Variants in SLC25A36 observed in about 807,000 individuals in gnomAD.
SLC25A36 encodes solute carrier family 25 member 36, also known as epididymis secretory sperm binding protein.
In SLC25A36, 24 loss-of-function variants were observed where a neutral mutation model predicts 35.3. The ratio of observed to expected loss-of-function variants is 0.68; its 90% confidence interval spans 0.49 to 0.96. The LOEUF (loss-of-function observed/expected upper bound fraction) is 0.96, where lower values mean the gene tolerates loss of function less well. Ranked by LOEUF, SLC25A36 falls within the 40% of genes least tolerant of loss-of-function variation. The pLI is 0.00. For synonymous variants in SLC25A36, 141 were observed against 132.2 expected (o/e 1.07, Z -0.46); for missense variants, 294 against 381.1 (o/e 0.77, Z 1.90).
At position 140,942,070 on chromosome 3, in the gene SLC25A36, A is replaced by T; in HGVS notation, c.16A>T (p.Thr6Ser). The T allele has an allele frequency of 6.7e-7, 1 of 1,489,662 alleles. No homozygotes were observed. Among genetic ancestry groups the T allele is most frequent in the Non-Finnish European group, 9.0e-7 (1 of 1,107,250 alleles). 92.3% of individuals were successfully genotyped at this position (1,489,662 alleles called of 1,614,324 possible). A position where few individuals can be genotyped will look rare whatever the true frequency, so the allele number is the denominator to read the frequency against. Reference protein sequence around the residue: MSQRDTLVHLFAGGCG... With the variant: MSQRDSLVHLFAGGCG... ...GGGAGAGAGAATGAGCCAGAGGGAC[A>T]CGCTGGTGCATCTGTTTGCCGGAGG... The change falls in exon 1 of 7, where the codon ACG (threonine) becomes TCG (serine). Residue 6 changes from threonine (T) to serine (S), a missense_variant. By Grantham distance (58) the Thr-to-Ser change is moderately conservative. This residue lies in a region of SLC25A36 where 185 missense variants were observed against 201.5 expected (regional missense o/e 0.92). Coordinates refer to ENST00000324194, the MANE Select transcript of SLC25A36 (RefSeq NM_001104647.3).
rs964210330 is a variant in SLC25A36 at position 140,976,860 on chromosome 3, A to T, written c.*407A>T. Reference sequence around the variant, plus strand: ...TAACTTCTGGCCTTTGTTTAATTCCAGTAAAATAACAGCAATGACAATGAG... The same window carrying T: ...TAACTTCTGGCCTTTGTTTAATTCCTGTAAAATAACAGCAATGACAATGAG... On this transcript the variant is annotated 3_prime_UTR_variant, in exon 7 of 7. Coordinates refer to ENST00000324194, the MANE Select transcript of SLC25A36 (RefSeq NM_001104647.3). The T allele has an allele frequency of 6.5e-6, 1 of 153,552 alleles. No homozygotes were observed. Among genetic ancestry groups the T allele is most frequent in the Admixed American group, 6.5e-5 (1 of 15,332 alleles). The allele number at this position is 153,552 out of a possible 1,614,324, so 9.5% of individuals were successfully genotyped here.
chr3:140,946,864 G>A (rs1934179528), intron 1 of SLC25A36, among the ~76,000 whole-genome samples: 1 of 152,160 alleles, frequency 6.6e-6, no homozygotes, highest in South Asian at 2.1e-4. Flanking sequence ...CAGGAAAGAG[G>A]ATTGGACTAG....
rs76812029 is a variant in SLC25A36, at chr3:140,959,542, TAAAA to T, written c.284+14_284+17del. ...TTTAGTGGGGGTAGCCCCTTCCAGG[TAAAA>T]AAAAAAAAAAATTGTTTAAAGCAAG... On this transcript the variant is annotated splice_donor_5th_base_variant and intron_variant, in intron 3 of 6. Coordinates refer to ENST00000324194, the MANE Select transcript of SLC25A36 (RefSeq NM_001104647.3). 5.5e-5 allele frequency: 67 copies of T among 1,217,508 alleles called. No homozygotes were observed. The highest frequency in any genetic ancestry group is 2.2e-4 in the Middle Eastern group (1 of 4,538). The allele number at this position is 1,217,508 out of a possible 1,614,324, so 75.4% of individuals were successfully genotyped here.
At chr3:140,943,146 A>G (rs997159126) in intron 1 of SLC25A36, among the ~76,000 whole-genome samples, 2 of 152,158 alleles carry the variant, frequency 1.3e-5, no homozygotes, top group African/African-American at 4.8e-5. Context: ...TATTTGGAGG[A>G]TTATAAAGAG....
chr3:140,976,154 T>A, intron 6 of SLC25A36, 106 bp from the exon 7 acceptor site: 1 of 758,116 alleles, frequency 1.3e-6, no homozygotes, highest in Non-Finnish European at 2.1e-6. Context: ...CCATCCTTTT[T>A]TATCCTGAGC....
intron 1 of SLC25A36, among the ~76,000 whole-genome samples, chr3:140,953,821 T>G (rs6798022): frequency 0.018 from 2,809 of 152,156 alleles, 103 homozygotes; most frequent in African/African-American, 0.063. Context: ...TTTAAAAAAT[T>G]TAGCTGTGCA....
intron 2 of SLC25A36, 57 bp downstream of exon 2, chr3:140,956,748 A>G (rs761884251): frequency 2.7e-6 from 4 of 1,487,928 alleles, no homozygotes; most frequent in Non-Finnish European, 3.6e-6. Flanking sequence ...TGAGTTCCAG[A>G]TGTTTGTTTA....
At chr3:140,963,320 A>G in intron 4 of SLC25A36, 93 bp downstream of exon 4, 1 of 789,152 alleles carries the variant, frequency 1.3e-6, no homozygotes, top group Non-Finnish European at 1.9e-6. Flanking sequence ...GTTGATGATT[A>G]ATGTGCTTTT....
rs993483634 is a variant in SLC25A36 at position 140,980,397 on chromosome 3, T to C, written c.*3944T>C. Among the ~76,000 whole-genome samples the C allele has an allele frequency of 3.3e-5, 4 of 121,450 alleles. No homozygotes were observed. The highest frequency in any genetic ancestry group is 1.3e-4 in the African/African-American group (4 of 31,392). 79.7% of individuals were successfully genotyped at this position (121,450 alleles called of 152,430 possible). A position where few individuals can be genotyped will look rare whatever the true frequency, so the allele number is the denominator to read the frequency against. ...TATTTAAGTTTTTCTGTATTGTAGTTAACATCAAACATTGTCCAGTCTTGA... is the reference window on the plus strand; with the variant it reads ...TATTTAAGTTTTTCTGTATTGTAGTCAACATCAAACATTGTCCAGTCTTGA... On this transcript the variant is annotated 3_prime_UTR_variant, in exon 7 of 7. Transcript: ENST00000324194.
chr3:140,953,449 T>G (rs1488499765), intron 1 of SLC25A36, among the ~76,000 whole-genome samples: 1 of 152,150 alleles, frequency 6.6e-6, no homozygotes, highest in Non-Finnish European at 1.5e-5. Flanking sequence ...GAGTGGAATT[T>G]TTTTGAAGTG....
chr3:140,943,463 C>A (rs1022370269), intron 1 of SLC25A36, among the ~76,000 whole-genome samples: 5 of 152,140 alleles, frequency 3.3e-5, no homozygotes, highest in African/African-American at 1.2e-4. Context: ...AGTTTGCTTT[C>A]CATATTTCTG....
intron 5 of SLC25A36, chr3:140,973,288 G>C (rs1401765050): frequency 6.6e-6 from 1 of 152,378 alleles, no homozygotes; most frequent in African/African-American, 2.4e-5. Context: ...ATCATCATTG[G>C]TGTCTCAGTC....
chr3:140,942,738 T>G (rs938489975), intron 1 of SLC25A36: 4 of 152,192 alleles, frequency 2.6e-5, no homozygotes, highest in Non-Finnish European at 5.9e-5. Flanking sequence ...AGGTGGGTGG[T>G]AAGGGGGCTA....
intron 4 of SLC25A36, chr3:140,964,226 A>G (rs1317424884): frequency 6.6e-6 from 1 of 151,936 alleles, no homozygotes; most frequent in Non-Finnish European, 1.5e-5. Context: ...TTGAAATACA[A>G]ATTTCTGAAA....
intron 4 of SLC25A36, chr3:140,968,637 T>C: frequency 1.0e-6 from 1 of 961,006 alleles, no homozygotes; most frequent in Non-Finnish European, 1.2e-6. Flanking sequence ...TTTATAAAAA[T>C]TTATTGTACT....
rs1176452475 is a variant in SLC25A36 at position 140,980,263 on chromosome 3, T to TTC, written c.*3810_*3811insTC. On this transcript the variant is annotated 3_prime_UTR_variant, in exon 7 of 7. Transcript: ENST00000324194. The stretch of plus-strand genomic sequence containing the variant: ...AAAGTTGATATTAAAAATACAGAGG[T>TTC]GAGAACTTGTTAGAATAACCAAATG... Among the ~76,000 whole-genome samples, 1 of 152,230 alleles carries TTC rather than the reference T, an allele frequency of 6.6e-6. No homozygotes were observed. The highest frequency in any genetic ancestry group is 2.4e-5 in the African/African-American group (1 of 41,464).
At chr3:140,968,914 G>A (rs528198853) in intron 4 of SLC25A36, among the ~76,000 whole-genome samples, 6 of 151,706 alleles carry the variant, frequency 4.0e-5, no homozygotes, top group Non-Finnish European at 7.4e-5. Context: ...TCAATAAAAA[G>A]CAAATAGTTT....
chr3:140,963,729 A>T (rs890998170), intron 4 of SLC25A36: 5 of 153,760 alleles, frequency 3.3e-5, no homozygotes, highest in African/African-American at 1.2e-4. Context: ...TGTATTTTTT[A>T]AAATTGTTTA....
chr3:140,959,013 C>CTTTT (rs1934560562), intron 2 of SLC25A36, among the ~76,000 whole-genome samples: 2 of 90,652 alleles, frequency 2.2e-5, no homozygotes, highest in African/African-American at 8.1e-5. Flanking sequence ...TGTGTGTTTT[C>CTTTT]TTTTTCTTTT....
Sources: allele counts gnomAD v4.1 joint callset (sites outside exome capture counted in the v4.1 genomes callset), GRCh38; gene constraint gnomAD v4.1.1; regional missense constraint gnomAD v4.1.1; transcripts MANE v1.5; gene names NCBI Gene and HGNC (gene_info 2026-07-23, HGNC 2026-07-21).